The following PPP1R17 variants were observed in gnomAD, a reference collection of about 807,000 sequenced individuals.
PPP1R17 encodes protein phosphatase 1 regulatory subunit 17.
In PPP1R17, 12 loss-of-function variants were observed where a neutral mutation model predicts 15.9. That is an observed-to-expected ratio of 0.75 (90% CI 0.48 to 1.22). The LOEUF (loss-of-function observed/expected upper bound fraction) is 1.22, where lower values mean the gene tolerates loss of function less well. PPP1R17 is among the 50% of genes most tolerant of loss of function. The pLI, the probability that PPP1R17 is intolerant of heterozygous loss-of-function variation, is 0.00. For synonymous variants in PPP1R17, 63 were observed against 64.5 expected (o/e 0.98, Z 0.11); for missense variants, 211 against 187.3 (o/e 1.13, Z -0.74).
intron 1 of PPP1R17, among the ~76,000 whole-genome samples, chr7:31,688,425 A>G (rs1437092042): frequency 2.0e-5 from 3 of 152,224 alleles, no homozygotes; most frequent in Non-Finnish European, 2.9e-5. Context: ...CCGCTCAATG[A>G]TAAGAGAAAA....
Position 31,696,994 on chromosome 7 carries a change from T to C in PPP1R17, c.265T>C (p.Tyr89His), listed in dbSNP as rs754457029. Residue 89 changes from tyrosine (Y) to histidine (H), a missense_variant, in exon 4 of 5, where the codon TAC (tyrosine) becomes CAC (histidine). Physicochemically the swap from Tyr to His is moderately conservative, Grantham distance 83. Transcript: ENST00000342032. ...GTTTTCAGAACATTTAATTAAAAGA[T>C]ACGATGTTCAAGAGAGACATCCAAA... ...GVFSEHLIKR[Y>H]DVQERHPKGK... 1.5e-5 allele frequency: 24 copies of C among 1,614,014 alleles called. No individual in the cohort carries two copies. In the Admixed American group the frequency reaches 1.7e-4, roughly 11 times the overall value.
At chr7:31,690,968 G>T (rs759083629) in intron 1 of PPP1R17, among the ~76,000 whole-genome samples, 1 of 152,142 alleles carries the variant, frequency 6.6e-6, no homozygotes. Context: ...TTAAATAGGT[G>T]CATAAGACCA....
intron 1 of PPP1R17, among the ~76,000 whole-genome samples, chr7:31,689,917 A>G (rs1023785350): frequency 9.2e-5 from 14 of 152,206 alleles, no homozygotes; most frequent in African/African-American, 3.4e-4. Context: ...TTGCTGGTTC[A>G]CCACCACCAT....
At chr7:31,696,704 T>C (rs1443164564) in intron 3 of PPP1R17, among the ~76,000 whole-genome samples, 1 of 152,208 alleles carries the variant, frequency 6.6e-6, no homozygotes, top group African/African-American at 2.4e-5. Context: ...AGCTTTGTGA[T>C]GGTGGCCATA....
At chr7:31,699,657 A>G (rs964816319) in intron 4 of PPP1R17, among the ~76,000 whole-genome samples, 2 of 150,892 alleles carry the variant, frequency 1.3e-5, no homozygotes, top group African/African-American at 4.9e-5. Context: ...TTTTTAACCA[A>G]ATTGGATGTT....
chr7:31,697,222 C>G, intron 4 of PPP1R17, 105 bp downstream of exon 4: 1 of 1,405,198 alleles, frequency 7.1e-7, no homozygotes, highest in Non-Finnish European at 9.6e-7. Context: ...CCCCAGCAAG[C>G]TGCGTTGTCC....
intron 4 of PPP1R17, among the ~76,000 whole-genome samples, chr7:31,699,291 C>T (rs1461437002): frequency 6.6e-6 from 1 of 152,116 alleles, no homozygotes; most frequent in Non-Finnish European, 1.5e-5. Context: ...CCCATCACAG[C>T]TCTTTTACCT....
In PPP1R17 at chr7:31,707,315, G is replaced by T. The variant is rs755382781; in HGVS notation, c.*32G>T. The T allele has an allele frequency of 2.5e-6, 4 of 1,576,064 alleles. No individual in the cohort carries two copies. The highest frequency in any genetic ancestry group is 3.5e-6 in the Non-Finnish European group (4 of 1,148,126). The stretch of plus-strand genomic sequence containing the variant: ...TTCCCCTGAGACCACTTGTAAATAG[G>T]TTAGATTGGTTCCCTGTGGTGACCT... On this transcript the variant is annotated 3_prime_UTR_variant, in exon 5 of 5. Coordinates refer to ENST00000342032, the MANE Select transcript of PPP1R17 (RefSeq NM_006658.5).
At chr7:31,706,579 C>T (rs886567677) in intron 4 of PPP1R17, among the ~76,000 whole-genome samples, 3 of 152,172 alleles carry the variant, frequency 2.0e-5, no homozygotes, top group Non-Finnish European at 4.4e-5. Flanking sequence ...TGGTACAGTA[C>T]TGACATTGAG....
At chr7:31,694,552 G>A (rs1163783842) in intron 2 of PPP1R17, among the ~76,000 whole-genome samples, 3 of 152,026 alleles carry the variant, frequency 2.0e-5, no homozygotes, top group Non-Finnish European at 4.4e-5. Flanking sequence ...CCATTTAACC[G>A]TTCAACATCC....
intron 2 of PPP1R17, among the ~76,000 whole-genome samples, chr7:31,693,677 T>C (rs1024037670): frequency 2.0e-5 from 3 of 152,176 alleles, no homozygotes; most frequent in African/African-American, 7.2e-5. Flanking sequence ...AGAAAAGATG[T>C]AATAAATGAA....
intron 4 of PPP1R17, among the ~76,000 whole-genome samples, chr7:31,697,615 G>T (rs993784521): frequency 6.6e-6 from 1 of 151,920 alleles, no homozygotes; most frequent in Non-Finnish European, 1.5e-5. Flanking sequence ...TAAAGGAGCT[G>T]CTCTGTGAGA....
At chr7:31,698,555 G>A (rs1227818887) in intron 4 of PPP1R17, among the ~76,000 whole-genome samples, 1 of 152,170 alleles carries the variant, frequency 6.6e-6, no homozygotes, top group Non-Finnish European at 1.5e-5. Context: ...ATGCACATGT[G>A]CTAAAAGTAC....
chr7:31,693,358 G>T (rs1266309967), intron 2 of PPP1R17, among the ~76,000 whole-genome samples: 2 of 152,176 alleles, frequency 1.3e-5, no homozygotes, highest in Non-Finnish European at 2.9e-5. Flanking sequence ...TTCAACACAT[G>T]ACTATGGCAT....
Position 31,707,345 on chromosome 7 carries a change from A to G in PPP1R17, c.*62A>G, listed in dbSNP as rs1042763164. 14 of 1,393,342 alleles carry G rather than the reference A, an allele frequency of 1.0e-5. No individual in the cohort carries two copies. In the African/African-American group the frequency reaches 2.0e-4, roughly 20 times the overall value. The allele number at this position is 1,393,342 out of a possible 1,614,324, so 86.3% of individuals were successfully genotyped here. A position where few individuals can be genotyped will look rare whatever the true frequency, so the allele number is the denominator to read the frequency against. ...ATTGGTTCCCTGTGGTGACCTAGAG[A>G]AAAAATAGACTTGTTTCTGCTCTCA... is the stretch of plus-strand genomic sequence containing the variant. On this transcript the variant is annotated 3_prime_UTR_variant, in exon 5 of 5. Transcript: ENST00000342032.
chr7:31,702,503 T>C (rs191332983), intron 4 of PPP1R17, among the ~76,000 whole-genome samples: 9 of 152,324 alleles, frequency 5.9e-5, no homozygotes, highest in African/African-American at 2.2e-4. Flanking sequence ...CTTTCAGTAG[T>C]CAGCCAGCTC....
intron 1 of PPP1R17, among the ~76,000 whole-genome samples, chr7:31,688,373 C>T (rs1792196249): frequency 6.6e-6 from 1 of 152,210 alleles, no homozygotes; most frequent in South Asian, 2.1e-4. Flanking sequence ...GAATTTTCTT[C>T]CCATAATTTA....
chr7:31,697,429 A>C (rs952496257), intron 4 of PPP1R17, among the ~76,000 whole-genome samples: 1 of 152,290 alleles, frequency 6.6e-6, no homozygotes, highest in East Asian at 1.9e-4. Flanking sequence ...CCCTCCTCCC[A>C]AGGCTTCCAC....
rs1223989580 is a variant in PPP1R17, at chr7:31,707,573, T to G, written c.*290T>G. ...TAACAGGGAAAGCACTGGGGTTCGGTTTCTGCATCTTCTGGATCAATTCAC... is the reference window on the plus strand; with the variant it reads ...TAACAGGGAAAGCACTGGGGTTCGGGTTCTGCATCTTCTGGATCAATTCAC... On this transcript the variant is annotated 3_prime_UTR_variant, in exon 5 of 5. Transcript: ENST00000342032. 3.0e-6 allele frequency: 1 copy of G among 332,202 alleles called. No homozygotes were observed. The highest frequency in any genetic ancestry group is 5.5e-6 in the Non-Finnish European group (1 of 181,614). 20.6% of individuals were successfully genotyped at this position (332,202 alleles called of 1,614,324 possible).
Sources: allele counts gnomAD v4.1 joint callset (sites outside exome capture counted in the v4.1 genomes callset), GRCh38; gene constraint gnomAD v4.1.1; transcripts MANE v1.5; gene names NCBI Gene and HGNC (gene_info 2026-07-23, HGNC 2026-07-21).